Variants in ARHGAP45 observed in about 807,000 individuals in gnomAD.
ARHGAP45 encodes the protein rho GTPase-activating protein 45.
ARHGAP45 carries 56 observed loss-of-function variants against 116.1 expected under a neutral mutation model. That is an observed-to-expected ratio of 0.48 (90% CI 0.39 to 0.60). The LOEUF (loss-of-function observed/expected upper bound fraction) is 0.60, where lower values mean the gene tolerates loss of function less well. Ranked by LOEUF, ARHGAP45 falls within the 20% of genes least tolerant of loss-of-function variation. The pLI, the probability that ARHGAP45 is intolerant of heterozygous loss-of-function variation, is 0.00. For missense variants in ARHGAP45, 1,622 were observed against 1,601.0 expected, an observed-to-expected ratio of 1.01 and a Z score of -0.22; for synonymous variants, 866 against 701.7, an observed-to-expected ratio of 1.23 and a Z score of -3.70.
rs532029491 is a variant in ARHGAP45 at position 1,085,710 on chromosome 19, G to C, written c.3115G>C (p.Glu1039Gln). The C allele has an allele frequency of 6.2e-7, 1 of 1,603,882 alleles. No individual in the cohort carries two copies. The highest frequency in any genetic ancestry group is 8.5e-7 in the Non-Finnish European group (1 of 1,174,104). ...GGACTCGGACCTAGAGGAGGCCTCC[G>C]AGCTGCTGTCCTCATCGGAGGCCAG... ...DSDSDLEEAS[E>Q]LLSSSEASAL... is the part of the protein sequence containing the mutation. Residue 1039 changes from glutamate (E) to glutamine (Q), a missense_variant, in exon 23 of 23, where the codon GAG becomes CAG. By Grantham distance (29) the Glu-to-Gln change is conservative. Around this residue, in one of 3 missense-constraint regions of ARHGAP45, gnomAD observed 1,334 missense variants for 1,263.8 expected, o/e 1.06. Transcript: ENST00000313093.
rs2043085738 is a variant in ARHGAP45 at position 1,068,722 on chromosome 19, T to G, written c.399T>G (p.Leu133=). The G allele has an allele frequency of 1.2e-6, 2 of 1,612,270 alleles. No homozygotes were observed. Among genetic ancestry groups the G allele is most frequent in the Non-Finnish European group, 1.7e-6 (2 of 1,179,874 alleles). The change falls in exon 2 of 23, where the codon CTT becomes CTG. Residue 133 remains leucine, a synonymous_variant. Transcript: ENST00000313093. This position sits in a 1 kb window ranked among gnomAD's most constrained non-coding sequence, Gnocchi z 7.5. ...VARFAEGLEK[L]KECVLRDDLL... ...GCTTCGCTGAGGGCCTTGAGAAACT[T>G]AAGGAGTGTGTGTTGCGTGACGGTG...
chr19:1,086,381 T>C lies in ARHGAP45; in HGVS notation c.*375T>C. Reference sequence around the variant, plus strand: ...AGGAGGCAGGCCCTGCCCTGCCCTCTCCTCACAGGTCTGTTGCAGGGACTC... The same window carrying C: ...AGGAGGCAGGCCCTGCCCTGCCCTCCCCTCACAGGTCTGTTGCAGGGACTC... On this transcript the variant is annotated 3_prime_UTR_variant, in exon 23 of 23. Transcript: ENST00000313093. 4.6e-6 allele frequency: 1 copy of C among 216,984 alleles called. No individual in the cohort carries two copies. Among genetic ancestry groups the C allele is most frequent in the Non-Finnish European group, 9.4e-6 (1 of 106,552 alleles). The allele number at this position is 216,984 out of a possible 1,614,324, so 13.4% of individuals were successfully genotyped here.
Position 1,082,968 on chromosome 19 carries a change from A to G in ARHGAP45, c.2646A>G (p.Ala882=). The change falls in exon 20 of 23, where the codon GCA becomes GCG. Residue 882 remains alanine (A), a synonymous_variant. Coordinates refer to ENST00000313093, the MANE Select transcript of ARHGAP45 (RefSeq NM_012292.5). ...GGCAGGACGGCTCGGAGAGCGAGGC[A>G]GTGGCGGTGGCCCTGGCAGGTCGGC... is the stretch of plus-strand genomic sequence containing the variant. ...RGRQDGSESE[A]VAVALAGRLR... is the part of the protein sequence containing the mutation. 6.4e-7 allele frequency: 1 copy of G among 1,562,534 alleles called. No homozygotes were observed. Among genetic ancestry groups the G allele is most frequent in the Non-Finnish European group, 8.6e-7 (1 of 1,158,236 alleles).
chr19:1,079,948 G>A lies in ARHGAP45; in HGVS notation c.1533G>A (p.Gln511=). ...CGCAGGCCACGATCTCCTACTACCA[G>A]ATGATGCATATGCAGACGGCGCCGC... ...TIKSATISYY[Q]MMHMQTAPLP... The change falls in exon 13 of 23, where the codon CAG becomes CAA. Residue 511 remains glutamine (Q), a synonymous_variant. Transcript: ENST00000313093. 6.2e-7 allele frequency: 1 copy of A among 1,611,660 alleles called. No individual in the cohort carries two copies. The highest frequency in any genetic ancestry group is 8.5e-7 in the Non-Finnish European group (1 of 1,178,944).
chr19:1,076,026 C>A (rs34397138), intron 10 of ARHGAP45, among the ~76,000 whole-genome samples: 37,472 of 152,088 alleles, frequency 0.25, 5,832 homozygotes, highest in Middle Eastern at 0.38. Context: ...GCAGCCTGAA[C>A]CCCTTTTTTC....
intron 17 of ARHGAP45, 39 bp downstream of exon 17, chr19:1,081,103 G>C (rs770139223): frequency 6.4e-7 from 1 of 1,566,218 alleles, no homozygotes; most frequent in Admixed American, 1.8e-5. Context: ...GGAGCCTTCG[G>C]GAGCCTTTGG....
chr19:1,084,713 C>A lies in ARHGAP45; in HGVS notation c.3064+367C>A, dbSNP rs576848094. On this transcript the variant is annotated intron_variant, in intron 22 of 22. Coordinates refer to ENST00000313093, the MANE Select transcript of ARHGAP45 (RefSeq NM_012292.5). Reference sequence around the variant, plus strand: ...GAGTTTGACCCACGTGGGGCCAGCACCACCTGTCAGAGGCAGCTGGCCGAG... The same window carrying A: ...GAGTTTGACCCACGTGGGGCCAGCAACACCTGTCAGAGGCAGCTGGCCGAG... Among the ~76,000 whole-genome samples, 431 of 152,290 alleles carry A rather than the reference C, an allele frequency of 2.8e-3. 2 individuals are homozygous for A. The highest frequency in any genetic ancestry group is 9.6e-3 in the African/African-American group (398 of 41,562).
chr19:1,076,982 G>A (rs2043264954), intron 10 of ARHGAP45: 1 of 963,282 alleles, frequency 1.0e-6, no homozygotes, highest in South Asian at 4.8e-5. Flanking sequence ...TCCTGCCTCG[G>A]CCTCCCAAAG....
upstream of ARHGAP45, chr19:1,066,157 A>C (rs2144993384): frequency 6.5e-7 from 1 of 1,530,766 alleles, no homozygotes; most frequent in Non-Finnish European, 8.7e-7. Context: ...TGCCCCTCCC[A>C]CCCGAGGTAG....
intron 11 of ARHGAP45, among the ~76,000 whole-genome samples, 189 bp downstream of exon 11, chr19:1,078,234 C>T (rs1305150048): frequency 7.3e-5 from 11 of 151,646 alleles, no homozygotes; most frequent in Admixed American, 7.2e-4. Flanking sequence ...AGCTCCGCCT[C>T]CCGGGTTCAC....
rs1164851110 is a variant in ARHGAP45, at chr19:1,080,093, G to T, written c.1678G>T (p.Glu560Ter). The T allele has an allele frequency of 1.2e-6, 2 of 1,612,322 alleles. No individual in the cohort carries two copies. The highest frequency in any genetic ancestry group is 1.7e-6 in the Non-Finnish European group (2 of 1,179,848). ...GGAGCCCGATGTGCACTACGACTTTGAGCCCCACGTCTCCGCCAACGCCTG... is the reference window on the plus strand; with the variant it reads ...GGAGCCCGATGTGCACTACGACTTTTAGCCCCACGTCTCCGCCAACGCCTG... The part of the protein sequence containing the change: ...DQEPDVHYDF[E>*]PHVSANAWSP... The change falls in exon 13 of 23, where the codon GAG (glutamate) becomes TAG (stop). Residue 560 changes from glutamate (E) to a stop codon, truncating the protein, a stop_gained. Coordinates refer to ENST00000313093, the MANE Select transcript of ARHGAP45 (RefSeq NM_012292.5). LOFTEE classifies it high-confidence loss of function.
chr19:1,084,911 ATC>A (rs1330691490), intron 22 of ARHGAP45, among the ~76,000 whole-genome samples: 1 of 152,162 alleles, frequency 6.6e-6, no homozygotes, highest in Non-Finnish European at 1.5e-5. Context: ...GTGAAATCCC[ATC>A]TCTACTAAAA....
chr19:1,076,388 T>TC (rs2043248551), intron 10 of ARHGAP45, among the ~76,000 whole-genome samples: 1 of 150,320 alleles, frequency 6.7e-6, no homozygotes, highest in African/African-American at 2.5e-5. Context: ...AGTTTTAGAC[T>TC]CCCCCCATTC....
rs746356258 is a variant in ARHGAP45 at position 1,068,756 on chromosome 19, G to T, written c.421+12G>T. ...TGTGTTGCGTGACGGTGAGAGCCAC[G>T]GGGACACCGAGGCCTGGGTGGAAGA... On this transcript the variant is annotated intron_variant, in intron 2 of 22. Coordinates refer to ENST00000313093, the MANE Select transcript of ARHGAP45 (RefSeq NM_012292.5). This position sits in a 1 kb window ranked among gnomAD's most constrained non-coding sequence, Gnocchi z 7.5. 1 of 1,607,884 alleles carries T rather than the reference G, an allele frequency of 6.2e-7. No homozygotes were observed. Among genetic ancestry groups the T allele is most frequent in the Non-Finnish European group, 8.5e-7 (1 of 1,176,262 alleles).
rs1430761429 is a variant in ARHGAP45 at position 1,068,403 on chromosome 19, A to T, written c.91-11A>T. On this transcript the variant is annotated splice_polypyrimidine_tract_variant and intron_variant, in intron 1 of 22. Transcript: ENST00000313093. The surrounding 1 kb of genome is among the most constrained non-coding windows in gnomAD (Gnocchi z 7.5). ...AATCCCTTTAACGAGCTCCCCTCGGACCTGCCCAAGGAGCTGCCCAGGAAG... is the reference window on the plus strand; with the variant it reads ...AATCCCTTTAACGAGCTCCCCTCGGTCCTGCCCAAGGAGCTGCCCAGGAAG... 7 of 1,531,158 alleles carry T rather than the reference A, an allele frequency of 4.6e-6. No individual in the cohort carries two copies. The highest frequency in any genetic ancestry group is 5.3e-6 in the Non-Finnish European group (6 of 1,136,002). The allele number at this position is 1,531,158 out of a possible 1,614,324, so 94.8% of individuals were successfully genotyped here. A position where few individuals can be genotyped will look rare whatever the true frequency, so the allele number is the denominator to read the frequency against.
chr19:1,073,756 G>A lies in ARHGAP45; in HGVS notation c.723+10G>A. On this transcript the variant is annotated intron_variant, in intron 5 of 22. Coordinates refer to ENST00000313093, the MANE Select transcript of ARHGAP45 (RefSeq NM_012292.5). ...TGGGGACTCGAGCCAGGTGAGTGGG[G>A]TGGGCCAGGGCCACCTGTGTCCAGC... 1 of 1,578,076 alleles carries A rather than the reference G, an allele frequency of 6.3e-7. No individual in the cohort carries two copies. Among genetic ancestry groups the A allele is most frequent in the Non-Finnish European group, 8.6e-7 (1 of 1,161,444 alleles).
Position 1,074,816 on chromosome 19 carries a change from G to C in ARHGAP45, c.1122G>C (p.Arg374=), listed in dbSNP as rs763425080. 2 of 1,535,244 alleles carry C rather than the reference G, an allele frequency of 1.3e-6. No individual in the cohort carries two copies. Among genetic ancestry groups the C allele is most frequent in the Admixed American group, 1.8e-5 (1 of 56,520 alleles). The change falls in exon 10 of 23, where the codon CGG becomes CGC. Residue 374 remains arginine (R), a synonymous_variant. Transcript: ENST00000313093. ...QTFMQPLTLR[R]LEHEKRRKEI... The stretch of plus-strand genomic sequence containing the variant: ...CGCCCCAGCCCCTGACCCTGCGGCG[G>C]CTTGAACACGAGAAGCGCAGGAAGG...
rs1305919154 is a variant in ARHGAP45, at chr19:1,080,327, C to T, written c.1776C>T (p.Ser592=). 1.9e-6 allele frequency: 3 copies of T among 1,609,638 alleles called. No homozygotes were observed. Among genetic ancestry groups the T allele is most frequent in the Non-Finnish European group, 2.5e-6 (3 of 1,178,916 alleles). ...SDVARPEAAG[S]PPEEGGCTEG... ...TGGCGCGGCCGGAGGCTGCCGGGAG[C>T]CCCCCAGAAGAAGGCGGGTGCACTG... Residue 592 remains serine, a synonymous_variant, in exon 14 of 23, where the codon AGC becomes AGT. Coordinates refer to ENST00000313093, the MANE Select transcript of ARHGAP45 (RefSeq NM_012292.5).
chr19:1,078,929 C>G lies in ARHGAP45; in HGVS notation c.1375-774C>G, dbSNP rs559934555. Among the ~76,000 whole-genome samples the G allele has an allele frequency of 3.2e-3, 485 of 151,878 alleles. 3 individuals are homozygous for G. The highest frequency in any genetic ancestry group is 0.011 in the African/African-American group (464 of 41,490). On this transcript the variant is annotated intron_variant, in intron 11 of 22. Transcript: ENST00000313093. The stretch of plus-strand genomic sequence containing the variant: ...GGCGCAGTGGCTCACGCCTGTAATC[C>G]CAGCACTTTGGGAGGCCGAGGCAGG...
Sources: allele counts gnomAD v4.1 joint callset (sites outside exome capture counted in the v4.1 genomes callset), GRCh38; gene constraint gnomAD v4.1.1; regional missense constraint gnomAD v4.1.1; non-coding constraint Gnocchi (gnomAD v3.1); transcripts MANE v1.5; gene names NCBI Gene and HGNC (gene_info 2026-07-23, HGNC 2026-07-21).